PCDH15: variants seen among roughly 807,000 people sequenced by gnomAD.
The protein encoded by PCDH15 is protocadherin-15.
Under a neutral mutation model 178.5 loss-of-function variants are expected in PCDH15, and 129 were observed. The ratio of observed to expected loss-of-function variants is 0.72; its 90% confidence interval spans 0.63 to 0.84. PCDH15 has a LOEUF of 0.84. Among genes scored for constraint, PCDH15 ranks in the 40% least tolerant of loss-of-function variants. The pLI is 0.00. For synonymous variants in PCDH15, 800 were observed against 732.0 expected (o/e 1.09, Z -1.50); for missense variants, 2,230 against 2,099.9 (o/e 1.06, Z -1.21).
Position 53,866,732 on chromosome 10 carries a change from G to A in PCDH15, c.3627C>T (p.Leu1209=), listed in dbSNP as rs1400536456. The A allele has an allele frequency of 7.4e-6, 12 of 1,613,400 alleles. No homozygotes were observed. The highest frequency in any genetic ancestry group is 1.0e-5 in the Non-Finnish European group (12 of 1,179,638). Residue 1209 remains leucine, a synonymous_variant, in exon 27 of 38, where the codon CTC becomes CTT. Coordinates refer to ENST00000644397, the MANE Select transcript of PCDH15 (RefSeq NM_001384140.1). Reference sequence around the variant, plus strand: ...AGTAGGATCTCCTCATATTATGGAAGAGCATAGCAGTTTTGATAAGCCCTG... The same window carrying A: ...AGTAGGATCTCCTCATATTATGGAAAAGCATAGCAGTTTTGATAAGCCCTG... ...TYTGLIKTAM[L]FHNMRRSYFK...
intron 2 of PCDH15, among the ~76,000 whole-genome samples, chr10:54,541,006 T>A (rs898601960): frequency 2.0e-5 from 3 of 152,016 alleles, no homozygotes; most frequent in African/African-American, 7.2e-5. Flanking sequence ...AGGGAACATA[T>A]CTCAAAATAA....
chr10:55,037,574 A>G (rs1358412910), intron 2 of PCDH15, among the ~76,000 whole-genome samples: 2 of 152,172 alleles, frequency 1.3e-5, no homozygotes, highest in Non-Finnish European at 2.9e-5. Flanking sequence ...GTATATGAAA[A>G]CCATAGTAAA....
intron 2 of PCDH15, among the ~76,000 whole-genome samples, chr10:55,422,318 C>G (rs12268750): frequency 0.27 from 41,018 of 151,558 alleles, 6,789 homozygotes; most frequent in African/African-American, 0.47. Context: ...TATATAGAAT[C>G]CTTATAAAAT....
In PCDH15 at chr10:55,570,242, T is replaced by C. The variant is rs144570483; in HGVS notation, c.-156+57383A>G. ...AGAAAAGACCTGGCAGGTGAACAAA[T>C]ACAGCCAACAAGAAGTAGAAAGACA... On this transcript the variant is annotated intron_variant, in intron 2 of 5. Transcript: ENST00000613346. Among the ~76,000 whole-genome samples the C allele has an allele frequency of 6.6e-4, 100 of 152,100 alleles. 1 individual carries two copies. The highest frequency in any genetic ancestry group is 2.2e-3 in the African/African-American group (92 of 41,544).
chr10:54,295,910 C>T (rs113414343), intron 8 of PCDH15, among the ~76,000 whole-genome samples: 77 of 151,742 alleles, frequency 5.1e-4, no homozygotes, highest in African/African-American at 7.7e-4. Context: ...TTTGGGAGGC[C>T]GAGGCGGGCG....
chr10:54,150,596 GT>G lies in PCDH15; in HGVS notation c.1784+2503del, dbSNP rs1200098816. ...GATTTTATTGTATACAGTTTTACTT[GT>G]TCTTTTTTTCTTGATTAGGTTAGAT... On this transcript the variant is annotated intron_variant, in intron 14 of 37. Coordinates refer to ENST00000644397, the MANE Select transcript of PCDH15 (RefSeq NM_001384140.1). Among the ~76,000 whole-genome samples the G allele has an allele frequency of 2.1e-4, 32 of 151,382 alleles. No individual in the cohort carries two copies. The South Asian group carries it at 6.1e-3, about 29-fold the overall frequency.
At chr10:54,331,074 C>G (rs1442824720) in intron 6 of PCDH15, among the ~76,000 whole-genome samples, 5 of 150,608 alleles carry the variant, frequency 3.3e-5, no homozygotes, top group Non-Finnish European at 7.4e-5. Flanking sequence ...GAGAGAGAAA[C>G]AGAGAGAGAG....
At chr10:55,027,445 C>T (rs1156920565) in intron 2 of PCDH15, among the ~76,000 whole-genome samples, 1 of 151,590 alleles carries the variant, frequency 6.6e-6, no homozygotes. Context: ...GTGGGGAGTT[C>T]CTGTTGAATG....
At chr10:55,161,820 A>G (rs1431057918) in intron 2 of PCDH15, among the ~76,000 whole-genome samples, 2 of 152,270 alleles carry the variant, frequency 1.3e-5, no homozygotes, top group East Asian at 1.9e-4. Context: ...AAAGTGCAAG[A>G]AAAAACAATT....
chr10:54,452,457 G>A (rs2076539062), intron 3 of PCDH15: 1 of 151,946 alleles, frequency 6.6e-6, no homozygotes, highest in African/African-American at 2.4e-5. Context: ...TTGCACAGGG[G>A]TCCTGCTAAT....
intron 3 of PCDH15, among the ~76,000 whole-genome samples, chr10:54,383,626 T>TA (rs777485359): frequency 1.1e-5 from 1 of 87,348 alleles, no homozygotes; most frequent in Admixed American, 9.9e-5. Context: ...TGTATGTGTG[T>TA]TTTTGTGTGT....
intron 2 of PCDH15, among the ~76,000 whole-genome samples, chr10:54,945,843 T>C (rs1446698147): frequency 6.6e-6 from 1 of 151,796 alleles, no homozygotes; most frequent in Non-Finnish European, 1.5e-5. Flanking sequence ...TTTTAAAGAC[T>C]GGGTGAGTCT....
chr10:54,666,408 G>A (rs1301028356), intron 1 of PCDH15, among the ~76,000 whole-genome samples: 1 of 152,006 alleles, frequency 6.6e-6, no homozygotes, highest in Non-Finnish European at 1.5e-5. Flanking sequence ...TTAGAGAAAA[G>A]TATTGGAAAA....
intron 1 of PCDH15, among the ~76,000 whole-genome samples, chr10:55,303,025 G>A (rs889880894): frequency 6.6e-6 from 1 of 151,738 alleles, no homozygotes; most frequent in African/African-American, 2.4e-5. Context: ...GCTATGATAT[G>A]AAGTCAATAC....
At position 54,609,021 on chromosome 10, in the gene PCDH15, G is replaced by A. The variant is rs1178820189; in HGVS notation, c.91+55151C>T. Among the ~76,000 whole-genome samples, 9 of 152,100 alleles carry A rather than the reference G, an allele frequency of 5.9e-5. No individual in the cohort carries two copies. The South Asian group carries it at 1.0e-3, about 18-fold the overall frequency. On this transcript the variant is annotated intron_variant, in intron 2 of 37. Coordinates refer to ENST00000644397, the MANE Select transcript of PCDH15 (RefSeq NM_001384140.1). ...TGATAATCACGCACTACAAGCGCAC[G>A]AATAATGTTTCCCTGAAAGGTACAA...
At chr10:55,324,443 C>A, upstream of PCDH15, among the ~76,000 whole-genome samples, 1 of 152,096 alleles carries the variant, frequency 6.6e-6, no homozygotes, top group East Asian at 1.9e-4. Flanking sequence ...AGTTGTTATT[C>A]AAATTTCATT....
chr10:54,350,513 T>C (rs1943997572), intron 5 of PCDH15, among the ~76,000 whole-genome samples: 1 of 152,198 alleles, frequency 6.6e-6, no homozygotes, highest in Non-Finnish European at 1.5e-5. Flanking sequence ...GGTAGACCTG[T>C]TCACATATGA....
rs543620601 is a variant in PCDH15 at position 55,302,001 on chromosome 10, C to T, written c.-156+17598G>A. 4.7e-4 allele frequency among the ~76,000 whole-genome samples: 72 copies of T among 152,238 alleles called. 1 individual carries two copies. The highest frequency in any genetic ancestry group is 1.5e-3 in the African/African-American group (64 of 41,568). ...TGATTATCGTGACTAGAAAATTAGA[C>T]GAAGTTAGTAGAATGCTATCTTCCA... is the stretch of plus-strand genomic sequence containing the variant. On this transcript the variant is annotated intron_variant, in intron 1 of 5. Coordinates refer to the PCDH15 transcript ENST00000458638.
intron 2 of PCDH15, among the ~76,000 whole-genome samples, chr10:54,952,087 T>A (rs1014845848): frequency 2.0e-5 from 3 of 151,822 alleles, no homozygotes; most frequent in African/African-American, 7.2e-5. Flanking sequence ...GGATCATGCA[T>A]TTGTTGTGCC....
Sources: allele counts gnomAD v4.1 joint callset (sites outside exome capture counted in the v4.1 genomes callset), GRCh38; gene constraint gnomAD v4.1.1; transcripts MANE v1.5; gene names NCBI Gene and HGNC (gene_info 2026-07-23, HGNC 2026-07-21).